Variants in SPIDR observed in about 807,000 individuals in gnomAD.
SPIDR encodes scaffold protein involved in DNA repair.
In SPIDR, 93 loss-of-function variants were observed where a neutral mutation model predicts 104.6. The observed-to-expected ratio is 0.89, with a 90% CI of 0.75 to 1.06. The LOEUF is 1.06. SPIDR is among the 50% of genes least tolerant of loss of function. SPIDR has a pLI of 0.00. For missense variants in SPIDR, 1,154 were observed against 1,111.2 expected (o/e 1.04, Z -0.55); for synonymous variants, 431 against 416.9 (o/e 1.03, Z -0.41).
intron 1 of SPIDR, among the ~76,000 whole-genome samples, chr8:47,271,363 G>A (rs1195472843): frequency 3.3e-5 from 5 of 152,046 alleles, no homozygotes; most frequent in African/African-American, 1.2e-4. Flanking sequence ...GTCTGATGGT[G>A]TCCCACAGGT....
In SPIDR at chr8:47,521,709, A is replaced by C. The variant is rs1481122314; in HGVS notation, c.1098-74102A>C. On this transcript the variant is annotated intron_variant, in intron 8 of 19. Coordinates refer to ENST00000297423, the MANE Select transcript of SPIDR (RefSeq NM_001080394.4). ...AGTGCTGGGATTACAGGCGTGAGCCACCGCGCCTGGCCACTCTTTATTTTT... is the reference window on the plus strand; with the variant it reads ...AGTGCTGGGATTACAGGCGTGAGCCCCCGCGCCTGGCCACTCTTTATTTTT... 2.0e-5 allele frequency among the ~76,000 whole-genome samples: 3 copies of C among 151,584 alleles called. No individual in the cohort carries two copies. The East Asian group carries it at 5.9e-4, about 30-fold the overall frequency.
At chr8:47,632,981 A>G (rs1223195961) in intron 10 of SPIDR, among the ~76,000 whole-genome samples, 1 of 152,236 alleles carries the variant, frequency 6.6e-6, no homozygotes, top group African/African-American at 2.4e-5. Flanking sequence ...ACAAGGGCAT[A>G]AGGCAATTTG....
At chr8:47,353,052 C>CAAA (rs57853552) in intron 5 of SPIDR, among the ~76,000 whole-genome samples, 29 of 75,404 alleles carry the variant, frequency 3.8e-4, no homozygotes, top group Non-Finnish European at 5.7e-4. Flanking sequence ...GACTCTATCT[C>CAAA]AAAAAAAAAA....
chr8:47,711,385 A>G (rs1292892322), intron 14 of SPIDR, among the ~76,000 whole-genome samples: 1 of 151,996 alleles, frequency 6.6e-6, no homozygotes, highest in Non-Finnish European at 1.5e-5. Context: ...TGCTATGTTC[A>G]CTACGCTGAA....
chr8:47,416,786 C>T (rs934398978), intron 7 of SPIDR, among the ~76,000 whole-genome samples: 2 of 152,052 alleles, frequency 1.3e-5, no homozygotes, highest in East Asian at 3.9e-4. Context: ...CCCACCCCAC[C>T]CACAACAGGC....
In SPIDR at chr8:47,622,855, C is replaced by A. The variant is rs2065369539; in HGVS notation, c.1544+23659C>A. Among the ~76,000 whole-genome samples, 3 of 152,126 alleles carry A rather than the reference C, an allele frequency of 2.0e-5. No individual in the cohort carries two copies. The South Asian group carries it at 6.2e-4, about 32-fold the overall frequency. On this transcript the variant is annotated intron_variant, in intron 10 of 19. Transcript: ENST00000297423. ...CCCATAATATGAAATTATCCAGGCA[C>A]CCTCTTTGGTTTATTCTTGGCCATG...
chr8:47,436,432 C>T (rs782568917), intron 7 of SPIDR, among the ~76,000 whole-genome samples: 1 of 152,088 alleles, frequency 6.6e-6, no homozygotes, highest in Non-Finnish European at 1.5e-5. Context: ...GGATTAAAAG[C>T]TTGCTTCTGC....
chr8:47,391,789 G>T (rs1257918198), intron 5 of SPIDR, among the ~76,000 whole-genome samples: 2 of 151,984 alleles, frequency 1.3e-5, no homozygotes, highest in Non-Finnish European at 2.9e-5. Flanking sequence ...GAGGTCAGGA[G>T]ATCGAGACCA....
chr8:47,660,456 A>G, intron 10 of SPIDR: 1 of 985,412 alleles, frequency 1.0e-6, no homozygotes, highest in Non-Finnish European at 1.2e-6. Context: ...CCTCACCCTC[A>G]TGGCTCAGAA....
chr8:47,547,160 G>A (rs1176383884), intron 8 of SPIDR: 15 of 610,138 alleles, frequency 2.5e-5, no homozygotes, highest in Admixed American at 4.1e-5. Flanking sequence ...CAGATGATGC[G>A]AGCATCATGA....
intron 14 of SPIDR, among the ~76,000 whole-genome samples, chr8:47,703,165 C>G (rs1209062256): frequency 6.6e-6 from 1 of 152,236 alleles, no homozygotes; most frequent in South Asian, 2.1e-4. Flanking sequence ...CTCTTCAAAG[C>G]ATTCATGGTT....
intron 8 of SPIDR, chr8:47,547,363 C>T (rs753791658): frequency 3.1e-5 from 12 of 387,690 alleles, no homozygotes; most frequent in Admixed American, 2.4e-4. Context: ...TATATCAGTT[C>T]GAACGTTGCC....
intron 5 of SPIDR, among the ~76,000 whole-genome samples, chr8:47,335,395 G>GGTA (rs1178612254): frequency 6.6e-6 from 1 of 152,028 alleles, no homozygotes; most frequent in Non-Finnish European, 1.5e-5. Flanking sequence ...ATTCTAGATT[G>GGTA]GTAATTTTTT....
chr8:47,686,788 G>GTGA (rs1482354088), intron 11 of SPIDR, among the ~76,000 whole-genome samples: 1 of 152,152 alleles, frequency 6.6e-6, no homozygotes, highest in Non-Finnish European at 1.5e-5. Context: ...TTTCTTGTCA[G>GTGA]TGATGTTGAT....
chr8:47,500,874 TCCC>T (rs1373000522), intron 8 of SPIDR, among the ~76,000 whole-genome samples: 1 of 152,238 alleles, frequency 6.6e-6, no homozygotes, highest in African/African-American at 2.4e-5. Flanking sequence ...TAGCCAGTTT[TCCC>T]AGCACCATTT....
chr8:47,396,981 C>A (rs1188208315), intron 6 of SPIDR, among the ~76,000 whole-genome samples: 2 of 151,620 alleles, frequency 1.3e-5, no homozygotes, highest in African/African-American at 4.9e-5. Context: ...TCTGCCAGGG[C>A]AACACTTGCA....
At chr8:47,445,840 C>T (rs949197582) in intron 8 of SPIDR, among the ~76,000 whole-genome samples, 7 of 152,180 alleles carry the variant, frequency 4.6e-5, no homozygotes, top group Non-Finnish European at 1.0e-4. Context: ...TTAAACCAAG[C>T]CTAATCCAGA....
intron 10 of SPIDR, among the ~76,000 whole-genome samples, chr8:47,627,185 C>A (rs1476214861): frequency 6.6e-6 from 1 of 151,988 alleles, no homozygotes; most frequent in African/African-American, 2.4e-5. Flanking sequence ...GGGAATTGAA[C>A]AATGAGAATA....
At chr8:47,632,190 C>T (rs1240720382) in intron 10 of SPIDR, among the ~76,000 whole-genome samples, 4 of 152,180 alleles carry the variant, frequency 2.6e-5, no homozygotes, top group African/African-American at 9.7e-5. Flanking sequence ...ACGACATGTG[C>T]TGTACTGTGG....
Sources: gnomAD v4.1 joint callset for allele counts (sites outside exome capture counted in the v4.1 genomes callset) on GRCh38, gnomAD v4.1.1 for gene constraint, MANE v1.5 for transcripts, NCBI Gene and HGNC (gene_info 2026-07-23, HGNC 2026-07-21) for gene names.